PRKCA: variants seen among roughly 807,000 people sequenced by gnomAD.
PRKCA encodes the protein protein kinase C alpha type.
Under a neutral mutation model 87.0 loss-of-function variants are expected in PRKCA, and 27 were observed. That is an observed-to-expected ratio of 0.31 (90% CI 0.23 to 0.43). PRKCA has a LOEUF of 0.43. PRKCA is among the 20% of genes least tolerant of loss of function. The pLI, the probability that PRKCA is intolerant of heterozygous loss-of-function variation, is 1.00. For missense variants in PRKCA, 518 were observed against 852.3 expected (o/e 0.61, Z 4.88); for synonymous variants, 329 against 311.1 (o/e 1.06, Z -0.61).
At chr17:66,566,110 A>G (rs1427049282) in intron 3 of PRKCA, among the ~76,000 whole-genome samples, 1 of 152,132 alleles carries the variant, frequency 6.6e-6, no homozygotes, top group Non-Finnish European at 1.5e-5. Flanking sequence ...GAGTCCTTGG[A>G]TACCTTGTCT....
intron 2 of PRKCA, among the ~76,000 whole-genome samples, chr17:66,324,113 G>A (rs771764724): frequency 1.3e-5 from 2 of 152,026 alleles, no homozygotes; most frequent in African/African-American, 2.4e-5. Flanking sequence ...GAAAGCAGGA[G>A]GTGAATTGGG....
intron 2 of PRKCA, among the ~76,000 whole-genome samples, chr17:66,314,474 AT>A (rs1202500632): frequency 6.6e-6 from 1 of 152,208 alleles, no homozygotes; most frequent in East Asian, 1.9e-4. Flanking sequence ...GAAGGGAATG[AT>A]TTGATTAATG....
Position 66,714,969 on chromosome 17 carries a change from G to C in PRKCA, c.919-17719G>C, listed in dbSNP as rs186194815. On this transcript the variant is annotated intron_variant, in intron 8 of 16. Coordinates refer to ENST00000413366, the MANE Select transcript of PRKCA (RefSeq NM_002737.3). ...GGATTAAAAAGGCTCAGTGAGGGTA[G>C]GATGAAATCAATGATTATGGAAATA... Among the ~76,000 whole-genome samples the C allele has an allele frequency of 2.4e-3, 371 of 152,310 alleles. 1 individual carries two copies. Among genetic ancestry groups the C allele is most frequent in the Non-Finnish European group, 4.2e-3 (285 of 68,030 alleles).
chr17:66,630,361 C>T (rs994211782), intron 3 of PRKCA, among the ~76,000 whole-genome samples: 3 of 152,114 alleles, frequency 2.0e-5, no homozygotes, highest in Non-Finnish European at 2.9e-5. Context: ...TATTATTGCC[C>T]CCCACTAATT....
intron 3 of PRKCA, among the ~76,000 whole-genome samples, chr17:66,529,925 C>T (rs73996245): frequency 0.043 from 6,535 of 152,210 alleles, 436 homozygotes; most frequent in African/African-American, 0.15. Context: ...ACTTTTCCTT[C>T]CTCCTCCTTG....
intron 2 of PRKCA, among the ~76,000 whole-genome samples, chr17:66,447,919 C>T (rs1426149065): frequency 6.6e-6 from 1 of 152,206 alleles, no homozygotes; most frequent in Non-Finnish European, 1.5e-5. Flanking sequence ...GCCTCCTTTC[C>T]AGAGCATCGT....
chr17:66,414,028 A>G (rs1007254813), intron 2 of PRKCA, among the ~76,000 whole-genome samples: 1 of 142,490 alleles, frequency 7.0e-6, no homozygotes, highest in Non-Finnish European at 1.6e-5. Context: ...AAAAAAAAAA[A>G]GATTAAATAT....
chr17:66,511,246 T>C (rs1156880725), intron 3 of PRKCA, among the ~76,000 whole-genome samples: 1 of 152,128 alleles, frequency 6.6e-6, no homozygotes, highest in African/African-American at 2.4e-5. Flanking sequence ...TACTCGAAAA[T>C]GATCTTCTCT....
intron 13 of PRKCA, among the ~76,000 whole-genome samples, chr17:66,755,003 C>T (rs1974516100): frequency 6.6e-6 from 1 of 151,974 alleles, no homozygotes; most frequent in Admixed American, 6.6e-5. Context: ...GATGCAATTC[C>T]AAGGTCGGGT....
chr17:66,610,718 A>C (rs940460157), intron 3 of PRKCA, among the ~76,000 whole-genome samples: 2 of 152,196 alleles, frequency 1.3e-5, no homozygotes, highest in African/African-American at 2.4e-5. Context: ...CAAGGGAAGG[A>C]AGGGGTTTTT....
intron 5 of PRKCA, among the ~76,000 whole-genome samples, chr17:66,684,825 G>A (rs1972581255): frequency 6.6e-6 from 1 of 152,206 alleles, no homozygotes; most frequent in Non-Finnish European, 1.5e-5. Context: ...ACCTTCTGCA[G>A]CCTCCAGTAT....
intron 2 of PRKCA, chr17:66,415,818 A>G (rs553875285): frequency 7.9e-5 from 12 of 152,252 alleles, no homozygotes; most frequent in Admixed American, 5.9e-4. Flanking sequence ...GTGCCTGCTC[A>G]AACTTGTTGG....
rs573957015 is a variant in PRKCA, at chr17:66,498,768, G to A, written c.288+2485G>A. ...GAAGGGTGTGTGTGTGCGTGCGTACGCGCATGTGTGCACACATGCATGCTG... is the reference window on the plus strand; with the variant it reads ...GAAGGGTGTGTGTGTGCGTGCGTACACGCATGTGTGCACACATGCATGCTG... On this transcript the variant is annotated intron_variant, in intron 3 of 16. Coordinates refer to ENST00000413366, the MANE Select transcript of PRKCA (RefSeq NM_002737.3). Among the ~76,000 whole-genome samples, 20 of 152,346 alleles carry A rather than the reference G, an allele frequency of 1.3e-4. No homozygotes were observed. In the South Asian group the frequency reaches 2.1e-3, roughly 16 times the overall value.
chr17:66,363,540 A>C (rs967331673), intron 2 of PRKCA, among the ~76,000 whole-genome samples: 1 of 152,224 alleles, frequency 6.6e-6, no homozygotes, highest in African/African-American at 2.4e-5. Context: ...CATTTAGTGA[A>C]TTCATAGTAT....
intron 3 of PRKCA, among the ~76,000 whole-genome samples, chr17:66,555,157 C>T (rs909302685): frequency 7.2e-5 from 11 of 152,194 alleles, no homozygotes; most frequent in East Asian, 1.9e-4. Flanking sequence ...GGATTACAGG[C>T]GTGAGCCACC....
Position 66,645,406 on chromosome 17 carries a change from C to G in PRKCA, c.424C>G (p.Gln142Glu). Reference protein sequence around the residue: ...CDTCDMNVHKQCVINVPSLCG... With the variant: ...CDTCDMNVHKECVINVPSLCG... ...AGCCTGCGATATGAACGTTCACAAG[C>G]AATGCGTCATCAATGTCCCCAGCCT... The change falls in exon 5 of 17, where the codon CAA becomes GAA. Residue 142 changes from glutamine (Q) to glutamate (E), a missense_variant. Transcript: ENST00000413366. The G allele has an allele frequency of 6.2e-7, 1 of 1,614,222 alleles. No individual in the cohort carries two copies. The highest frequency in any genetic ancestry group is 2.2e-5 in the East Asian group (1 of 44,878).
At chr17:66,346,914 C>T (rs186081648) in intron 2 of PRKCA, among the ~76,000 whole-genome samples, 2 of 151,936 alleles carry the variant, frequency 1.3e-5, no homozygotes, top group East Asian at 3.9e-4. Context: ...ACCTGTAATC[C>T]CAGCTACTCC....
chr17:66,444,156 G>A (rs563460352), intron 2 of PRKCA, among the ~76,000 whole-genome samples: 7 of 152,290 alleles, frequency 4.6e-5, no homozygotes, highest in South Asian at 2.1e-4. Flanking sequence ...TCAAAGGCGC[G>A]AGATGTCATA....
chr17:66,481,016 C>T (rs78997235), intron 2 of PRKCA, among the ~76,000 whole-genome samples: 3 of 152,152 alleles, frequency 2.0e-5, no homozygotes, highest in Non-Finnish European at 4.4e-5. Context: ...TACCGCAGAA[C>T]GCTGCCAGAT....
Sources: gnomAD v4.1 joint callset for allele counts (sites outside exome capture counted in the v4.1 genomes callset) on GRCh38, gnomAD v4.1.1 for gene constraint, MANE v1.5 for transcripts, NCBI Gene and HGNC (gene_info 2026-07-23, HGNC 2026-07-21) for gene names.